The following SPOCK3 variants were observed in gnomAD, a reference collection of about 807,000 sequenced individuals.
SPOCK3 encodes the protein testican-3.
In SPOCK3, 30 loss-of-function variants were observed where a neutral mutation model predicts 56.6. The observed-to-expected ratio is 0.53, with a 90% CI of 0.40 to 0.72. The LOEUF (loss-of-function observed/expected upper bound fraction) is 0.72. SPOCK3 is among the 30% of genes least tolerant of loss of function. The pLI is 0.00. For missense variants in SPOCK3, 527 were observed against 530.0 expected (o/e 0.99, Z 0.06); for synonymous variants, 196 against 183.3 (o/e 1.07, Z -0.56).
At chr4:166,984,808 G>C (rs569002403) in intron 4 of SPOCK3, among the ~76,000 whole-genome samples, 1 of 152,154 alleles carries the variant, frequency 6.6e-6, no homozygotes, top group African/African-American at 2.4e-5. Flanking sequence ...ACCATGAAAT[G>C]TATATACAGT....
At chr4:166,931,334 G>GCAT (rs1579691940) in intron 4 of SPOCK3, among the ~76,000 whole-genome samples, 40 of 142,338 alleles carry the variant, frequency 2.8e-4, no homozygotes, top group Admixed American at 2.6e-3. Flanking sequence ...TGTGTGTGGG[G>GCAT]GGTGGGGGGG....
chr4:166,738,109 T>G (rs559583778), intron 9 of SPOCK3, among the ~76,000 whole-genome samples: 1 of 152,158 alleles, frequency 6.6e-6, no homozygotes, highest in Non-Finnish European at 1.5e-5. Context: ...TCTTTACACA[T>G]TATGTCGACT....
intron 7 of SPOCK3, among the ~76,000 whole-genome samples, chr4:166,762,160 C>T (rs1236189054): frequency 6.6e-6 from 1 of 152,032 alleles, no homozygotes; most frequent in African/African-American, 2.4e-5. Context: ...CTCACTCAAA[C>T]AAACAGTAAA....
chr4:166,836,899 G>A (rs1345213700), intron 6 of SPOCK3, among the ~76,000 whole-genome samples: 1 of 152,148 alleles, frequency 6.6e-6, no homozygotes, highest in Non-Finnish European at 1.5e-5. Context: ...CCTTACTCCT[G>A]ATGTTTTATC....
rs59683401 is a variant in SPOCK3 at position 166,926,545 on chromosome 4, G to GTT, written c.351-13804_351-13803dup. On this transcript the variant is annotated intron_variant, in intron 4 of 10. Coordinates refer to ENST00000357545, the MANE Select transcript of SPOCK3 (RefSeq NM_001040159.2). ...TGTTGTTTTTGTTTTTGCTTTTTTT[G>GTT]TTTTTTTTGATGAGTATTTGAACTT... Among the ~76,000 whole-genome samples, 257 of 151,258 alleles carry GTT rather than the reference G, an allele frequency of 1.7e-3. 6 individuals are homozygous for GTT. The South Asian group carries it at 0.031, about 18-fold the overall frequency.
At chr4:166,778,801 A>G (rs1054400986) in intron 7 of SPOCK3, among the ~76,000 whole-genome samples, 8 of 151,992 alleles carry the variant, frequency 5.3e-5, no homozygotes, top group Non-Finnish European at 8.8e-5. Flanking sequence ...GTGTTGAGGA[A>G]GGAGGTTATG....
At chr4:167,127,370 A>G (rs1762361592) in intron 2 of SPOCK3, among the ~76,000 whole-genome samples, 1 of 151,906 alleles carries the variant, frequency 6.6e-6, no homozygotes, top group African/African-American at 2.4e-5. Context: ...ACTTTTTTAT[A>G]TTACAGAAAA....
At chr4:166,996,477 C>A (rs1422002180) in intron 4 of SPOCK3, among the ~76,000 whole-genome samples, 1 of 152,090 alleles carries the variant, frequency 6.6e-6, no homozygotes. Context: ...CCAAGGGTAA[C>A]AATATAACAA....
chr4:166,750,155 G>T (rs1736193169), intron 8 of SPOCK3, among the ~76,000 whole-genome samples: 1 of 152,044 alleles, frequency 6.6e-6, no homozygotes, highest in South Asian at 2.1e-4. Flanking sequence ...TATAATATTT[G>T]ATTTTAAACT....
At chr4:167,179,577 A>G (rs183553324) in intron 2 of SPOCK3, among the ~76,000 whole-genome samples, 9 of 152,214 alleles carry the variant, frequency 5.9e-5, no homozygotes, top group African/African-American at 2.2e-4. Context: ...TTTATTATGT[A>G]TGGGTTTCTT....
intron 7 of SPOCK3, among the ~76,000 whole-genome samples, chr4:166,763,223 C>T (rs902465609): frequency 1.3e-5 from 2 of 152,030 alleles, no homozygotes; most frequent in South Asian, 2.1e-4. Flanking sequence ...CAGCAAGCTT[C>T]TCCTCAGAGG....
At chr4:167,003,087 T>TTTTC (rs1405996277) in intron 3 of SPOCK3, among the ~76,000 whole-genome samples, 3 of 151,834 alleles carry the variant, frequency 2.0e-5, no homozygotes, top group African/African-American at 7.3e-5. Context: ...TTATAGCTGT[T>TTTTC]TCTTTACCTT....
chr4:167,038,519 A>G (rs1232112666), intron 3 of SPOCK3, among the ~76,000 whole-genome samples: 3 of 152,202 alleles, frequency 2.0e-5, no homozygotes, highest in Non-Finnish European at 4.4e-5. Context: ...TAGCCTGGTT[A>G]TGGTAACTAT....
intron 2 of SPOCK3, among the ~76,000 whole-genome samples, chr4:167,093,998 C>CTT (rs1337199520): frequency 1.3e-5 from 2 of 152,084 alleles, no homozygotes; most frequent in Non-Finnish European, 2.9e-5. Context: ...AATTCTTGGG[C>CTT]TAGAATAAAT....
chr4:167,004,128 G>T (rs535497524), intron 3 of SPOCK3, among the ~76,000 whole-genome samples: 2 of 152,246 alleles, frequency 1.3e-5, no homozygotes, highest in South Asian at 4.1e-4. Flanking sequence ...TGGCAGAGAT[G>T]TATAAATAGT....
At chr4:166,828,509 C>T (rs969806965) in intron 6 of SPOCK3, among the ~76,000 whole-genome samples, 3 of 151,644 alleles carry the variant, frequency 2.0e-5, no homozygotes, top group Non-Finnish European at 4.4e-5. Context: ...ACAATTTTTC[C>T]CACTTTTTAC....
At chr4:166,897,100 T>G (rs552197303) in intron 5 of SPOCK3, among the ~76,000 whole-genome samples, 1 of 152,296 alleles carries the variant, frequency 6.6e-6, no homozygotes, top group African/African-American at 2.4e-5. Context: ...ACTATTTTAT[T>G]ATATACTTCC....
intron 6 of SPOCK3, among the ~76,000 whole-genome samples, chr4:166,841,070 G>T (rs1579383371): frequency 6.6e-6 from 1 of 151,472 alleles, no homozygotes; most frequent in Non-Finnish European, 1.5e-5. Context: ...AAGCCCCCAC[G>T]CCCGGCCCGC....
At chr4:166,944,384 A>T (rs1741472625) in intron 4 of SPOCK3, among the ~76,000 whole-genome samples, 1 of 152,008 alleles carries the variant, frequency 6.6e-6, no homozygotes, top group African/African-American at 2.4e-5. Flanking sequence ...TTGATACATC[A>T]CTCCCATCTA....
Sources: gnomAD v4.1 joint callset for allele counts (sites outside exome capture counted in the v4.1 genomes callset) on GRCh38, gnomAD v4.1.1 for gene constraint, MANE v1.5 for transcripts, NCBI Gene and HGNC (gene_info 2026-07-23, HGNC 2026-07-21) for gene names.